PFKP: variants seen among roughly 807,000 people sequenced by gnomAD.
The protein encoded by PFKP is phosphofructokinase, platelet, also known as ATP-dependent 6-phosphofructokinase, platelet type.
PFKP carries 101 observed loss-of-function variants against 94.3 expected under a neutral mutation model. The ratio of observed to expected loss-of-function variants is 1.07; its 90% confidence interval spans 0.91 to 1.26. PFKP has a LOEUF of 1.26. PFKP is among the 50% of genes most tolerant of loss of function. The pLI, the probability that PFKP is intolerant of heterozygous loss-of-function variation, is 0.00. For missense variants in PFKP, 1,145 were observed against 1,103.3 expected, an observed-to-expected ratio of 1.04 and a Z score of -0.53; for synonymous variants, 573 against 432.6, an observed-to-expected ratio of 1.32 and a Z score of -4.03.
rs1313374381 is a variant in PFKP, at chr10:3,107,265, A to C, written c.826A>C (p.Ile276Leu). ...TATTATTATTGTGGCTGAAGGAGCA[A>C]TTGATACCCAAAATAAACCCATCAC... ...LNIIIVAEGAIDTQNKPITSE... is the reference protein window; with the variant it reads ...LNIIIVAEGALDTQNKPITSE... The change falls in exon 8 of 22, where the codon ATT (isoleucine) becomes CTT (leucine). Residue 276 changes from isoleucine to leucine, a missense_variant. Around this residue, in one of 3 missense-constraint regions of PFKP, gnomAD observed 1,119 missense variants for 1,062.8 expected, o/e 1.05. Coordinates refer to ENST00000381125, the MANE Select transcript of PFKP (RefSeq NM_002627.5). 6.2e-6 allele frequency: 10 copies of C among 1,612,534 alleles called. No individual in the cohort carries two copies. In the South Asian group the frequency reaches 9.9e-5, roughly 16 times the overall value.
intron 3 of PFKP, chr10:3,100,864 A>AAATAAAAAAAAAAT (rs893864030): frequency 8.2e-6 from 3 of 365,500 alleles, no homozygotes; most frequent in Non-Finnish European, 1.3e-5. Flanking sequence ...ATGTGGTGCA[A>AAATAAAAAAAAAAT]AAAAAAAAAA....
At chr10:3,132,770 T>C (rs920547823) in intron 18 of PFKP, among the ~76,000 whole-genome samples, 60 of 152,334 alleles carry the variant, frequency 3.9e-4, no homozygotes, top group African/African-American at 1.3e-3. Context: ...AGTGGGTGTC[T>C]GAACCTGGGG....
At chr10:3,101,336 G>C (rs1318921376) in intron 3 of PFKP, 29 bp from the exon 4 acceptor site, 2 of 1,549,682 alleles carry the variant, frequency 1.3e-6, no homozygotes, top group South Asian at 2.4e-5. Context: ...CAGACTGAGA[G>C]GAGATAAATT....
Position 3,113,460 on chromosome 10 carries a change from C to T in PFKP, c.1313C>T (p.Ala438Val). The change falls in exon 13 of 22, where the codon GCC (alanine) becomes GTC (valine). Residue 438 changes from alanine to valine, a missense_variant. Physicochemically the swap from Ala to Val is moderately conservative, Grantham distance 64. Coordinates refer to ENST00000381125, the MANE Select transcript of PFKP (RefSeq NM_002627.5). ...AVRSAVRVGIADGHRMLAIYD... is the reference protein window; with the variant it reads ...AVRSAVRVGIVDGHRMLAIYD... ...CGCTCAGCTGTGCGCGTGGGCATTGCCGACGGCCACAGGATGCTCGCCATC... is the reference window on the plus strand; with the variant it reads ...CGCTCAGCTGTGCGCGTGGGCATTGTCGACGGCCACAGGATGCTCGCCATC... The T allele has an allele frequency of 1.9e-6, 3 of 1,612,958 alleles. No individual in the cohort carries two copies. Among genetic ancestry groups the T allele is most frequent in the Non-Finnish European group, 1.7e-6 (2 of 1,179,696 alleles).
chr10:3,083,074 A>G (rs150043796), intron 2 of PFKP, among the ~76,000 whole-genome samples: 8 of 152,302 alleles, frequency 5.3e-5, no homozygotes, highest in South Asian at 4.2e-4. Flanking sequence ...TCAACCAATG[A>G]TCTCTAATTG....
At chr10:3,122,046 C>T (rs1485961990) in intron 16 of PFKP, among the ~76,000 whole-genome samples, 7 of 146,304 alleles carry the variant, frequency 4.8e-5, no homozygotes, top group Non-Finnish European at 9.1e-5. Context: ...GGTCTCAAAA[C>T]GTCTGGGCTC....
Position 3,134,492 on chromosome 10 carries a change from C to A in PFKP, c.2032C>A (p.Pro678Thr). 6.2e-7 allele frequency: 1 copy of A among 1,610,472 alleles called. No individual in the cohort carries two copies. The highest frequency in any genetic ancestry group is 8.5e-7 in the Non-Finnish European group (1 of 1,176,714). ...VLGHMQQGGA[P>T]SPFDRNFGTK... ...CTCTAACCACCAACAGGGTGGGGCA[C>A]CCTCTCCATTTGATAGAAACTTTGG... is the stretch of plus-strand genomic sequence containing the variant. The change falls in exon 20 of 22, where the codon CCC becomes ACC. Residue 678 changes from proline to threonine, a missense_variant. This residue lies in a region of PFKP where 1,119 missense variants were observed against 1,062.8 expected (regional missense o/e 1.05). Coordinates refer to ENST00000381125, the MANE Select transcript of PFKP (RefSeq NM_002627.5).
chr10:3,096,192 G>T (rs1471167098), intron 2 of PFKP, among the ~76,000 whole-genome samples: 1 of 152,168 alleles, frequency 6.6e-6, no homozygotes, highest in Non-Finnish European at 1.5e-5. Flanking sequence ...AAAATGCTGG[G>T]TGGCGGTTGA....
chr10:3,103,530 G>A (rs1332717310), intron 4 of PFKP, among the ~76,000 whole-genome samples: 2 of 152,204 alleles, frequency 1.3e-5, no homozygotes, highest in Non-Finnish European at 2.9e-5. Flanking sequence ...TCAGGAGACT[G>A]AGGCAGAAGG....
Position 3,099,276 on chromosome 10 carries a change from G to A in PFKP, c.188G>A (p.Gly63Asp). 1.2e-6 allele frequency: 2 copies of A among 1,611,574 alleles called. No individual in the cohort carries two copies. Among genetic ancestry groups the A allele is most frequent in the Non-Finnish European group, 1.7e-6 (2 of 1,177,668 alleles). Residue 63 changes from glycine (G) to aspartate (D), a missense_variant and splice_region_variant, in exon 3 of 22, where the codon GGC becomes GAC. Physicochemically the swap from Gly to Asp is moderately conservative, Grantham distance 94 (BLOSUM62 -1). Coordinates refer to ENST00000381125, the MANE Select transcript of PFKP (RefSeq NM_002627.5). ...AAAGATTCTCCCTTTCTCCCCTAGG[G>A]CTACCAGGGCATGGTGGACGGAGGC... is the stretch of plus-strand genomic sequence containing the variant. ...VGAKVYFIYE[G>D]YQGMVDGGSN...
intron 8 of PFKP, among the ~76,000 whole-genome samples, chr10:3,108,329 A>G (rs988663531): frequency 1.3e-5 from 2 of 152,238 alleles, no homozygotes; most frequent in Non-Finnish European, 2.9e-5. Flanking sequence ...TCACAGCTGA[A>G]CAAATTAAAG....
chr10:3,105,966 CG>C (rs1835503818), intron 7 of PFKP, among the ~76,000 whole-genome samples: 1 of 152,226 alleles, frequency 6.6e-6, no homozygotes. Flanking sequence ...GGAAGGACGA[CG>C]GGGACAGCAG....
chr10:3,136,772 GAA>G lies in PFKP; in HGVS notation c.*194_*195del. On this transcript the variant is annotated 3_prime_UTR_variant, in exon 22 of 22. Coordinates refer to ENST00000381125, the MANE Select transcript of PFKP (RefSeq NM_002627.5). Reference sequence around the variant, plus strand: ...ATGCTTTCAGATGTGCATATGAGCAGAATTAATTAAACATTTGCCTATGACTC... The same window carrying G: ...ATGCTTTCAGATGTGCATATGAGCAGTTAATTAAACATTTGCCTATGACTC... 1 of 493,812 alleles carries G rather than the reference GAA, an allele frequency of 2.0e-6. No individual in the cohort carries two copies. The highest frequency in any genetic ancestry group is 3.6e-6 in the Non-Finnish European group (1 of 277,116). 30.6% of individuals were successfully genotyped at this position (493,812 alleles called of 1,614,324 possible).
intron 17 of PFKP, among the ~76,000 whole-genome samples, chr10:3,131,644 G>C (rs577808067): frequency 7.2e-5 from 11 of 152,002 alleles, no homozygotes; most frequent in African/African-American, 2.7e-4. Context: ...TTTTAGTAGA[G>C]ACGGGGGTTT....
intron 9 of PFKP, among the ~76,000 whole-genome samples, chr10:3,109,055 C>T (rs1035378561): frequency 8.4e-5 from 10 of 119,570 alleles, no homozygotes; most frequent in East Asian, 7.4e-4. Flanking sequence ...GGGCACAATC[C>T]CAGGGCAGAA....
chr10:3,088,507 G>A (rs908413064), intron 2 of PFKP, among the ~76,000 whole-genome samples: 3 of 152,086 alleles, frequency 2.0e-5, no homozygotes, highest in Non-Finnish European at 2.9e-5. Context: ...CCTGGAGCGC[G>A]TTGCCTGGGG....
intron 18 of PFKP, among the ~76,000 whole-genome samples, chr10:3,132,866 A>C (rs1253946633): frequency 1.3e-5 from 2 of 151,922 alleles, no homozygotes; most frequent in Non-Finnish European, 2.9e-5. Context: ...AGGCACAGAC[A>C]GCATGGAGAT....
At chr10:3,117,999 G>A (rs1161715323) in intron 14 of PFKP, among the ~76,000 whole-genome samples, 1 of 152,148 alleles carries the variant, frequency 6.6e-6, no homozygotes, top group African/African-American at 2.4e-5. Context: ...TGAAACCTTT[G>A]GATGGGCTTG....
At chr10:3,094,629 G>A (rs887160048) in intron 2 of PFKP, among the ~76,000 whole-genome samples, 1 of 152,144 alleles carries the variant, frequency 6.6e-6, no homozygotes, top group Admixed American at 6.6e-5. Context: ...CCTAGAGACA[G>A]GATAAAGCCA....
Sources: gnomAD v4.1 joint callset for allele counts (sites outside exome capture counted in the v4.1 genomes callset) on GRCh38, gnomAD v4.1.1 for gene constraint, gnomAD v4.1.1 regional missense constraint, MANE v1.5 for transcripts, NCBI Gene and HGNC (gene_info 2026-07-23, HGNC 2026-07-21) for gene names.